TENM4: variants seen among roughly 807,000 people sequenced by gnomAD.
TENM4 encodes teneurin transmembrane protein 4.
A neutral mutation model predicts 243.3 loss-of-function variants in TENM4; 82 were observed. The observed-to-expected ratio is 0.34, with a 90% CI of 0.28 to 0.40. The LOEUF (loss-of-function observed/expected upper bound fraction) is 0.40, where lower values mean the gene tolerates loss of function less well. Ranked by LOEUF, TENM4 falls within the 10% of genes least tolerant of loss-of-function variation. The probability of loss-of-function intolerance (pLI) is 1.00; values close to 1 mark genes in which losing one functional copy is unlikely to be tolerated. For missense variants in TENM4, 3,138 were observed against 3,673.3 expected, an observed-to-expected ratio of 0.85 and a Z score of 3.77; for synonymous variants, 1,412 against 1,456.3, an observed-to-expected ratio of 0.97 and a Z score of 0.69.
intron 6 of TENM4, among the ~76,000 whole-genome samples, chr11:79,051,498 A>G (rs1241431341): frequency 6.6e-6 from 1 of 152,246 alleles, no homozygotes; most frequent in Non-Finnish European, 1.5e-5. Context: ...TCACTCAAGT[A>G]GTTCTATATT....
intron 6 of TENM4, among the ~76,000 whole-genome samples, chr11:79,008,247 G>GC (rs1858542881): frequency 6.6e-6 from 1 of 152,168 alleles, no homozygotes; most frequent in African/African-American, 2.4e-5. Context: ...CAGAGACAGA[G>GC]CGATTTCAGC....
At position 79,124,459 on chromosome 11, in the gene TENM4, G is replaced by A. The variant is rs150576134; in HGVS notation, c.-66+24251C>T. 3.7e-4 allele frequency among the ~76,000 whole-genome samples: 56 copies of A among 152,104 alleles called. No individual in the cohort carries two copies. The East Asian group carries it at 9.7e-3, about 26-fold the overall frequency. ...CTTTCTCCTGTGCTGGATGCTTCCT[G>A]GCCTCAAAAATCGGACTCCACGTTC... On this transcript the variant is annotated intron_variant, in intron 4 of 33. Coordinates refer to ENST00000278550, the MANE Select transcript of TENM4 (RefSeq NM_001098816.3).
chr11:79,134,431 C>T (rs1208784563), intron 4 of TENM4, among the ~76,000 whole-genome samples: 1 of 152,084 alleles, frequency 6.6e-6, no homozygotes, highest in Non-Finnish European at 1.5e-5. Flanking sequence ...CAAAAGCAAT[C>T]TAAAAATTCA....
chr11:78,727,641 A>C (rs1375317674), intron 22 of TENM4, among the ~76,000 whole-genome samples: 1 of 152,172 alleles, frequency 6.6e-6, no homozygotes, highest in Non-Finnish European at 1.5e-5. Flanking sequence ...AAAAGCTGGA[A>C]GTTACTTTGA....
At chr11:78,707,999 A>G (rs533513779) in intron 27 of TENM4, among the ~76,000 whole-genome samples, 99 of 152,356 alleles carry the variant, frequency 6.5e-4, no homozygotes, top group Middle Eastern at 3.4e-3. Flanking sequence ...CATAGCTTAG[A>G]AAGAGAACAG....
At chr11:79,261,614 A>G (rs565052733) in intron 2 of TENM4, among the ~76,000 whole-genome samples, 4 of 152,240 alleles carry the variant, frequency 2.6e-5, no homozygotes, top group South Asian at 4.2e-4. Flanking sequence ...TTGGGTCTGG[A>G]GGCTGGGCTG....
At chr11:79,046,616 G>C (rs139674008) in intron 6 of TENM4, among the ~76,000 whole-genome samples, 1 of 152,290 alleles carries the variant, frequency 6.6e-6, no homozygotes, top group East Asian at 1.9e-4. Flanking sequence ...GCAGCCATGT[G>C]AAGGCAGCAC....
chr11:79,321,677 T>C (rs1216460812), intron 1 of TENM4, among the ~76,000 whole-genome samples: 3 of 148,180 alleles, frequency 2.0e-5, no homozygotes, highest in Admixed American at 6.7e-5. Context: ...GAGAGAGAAC[T>C]TGGGACATGC....
intron 1 of TENM4, among the ~76,000 whole-genome samples, chr11:79,366,508 C>T (rs2135501501): frequency 6.6e-6 from 1 of 152,304 alleles, no homozygotes; most frequent in East Asian, 1.9e-4. Context: ...TAGGGGATGT[C>T]CTGAGGAAGT....
intron 6 of TENM4, among the ~76,000 whole-genome samples, chr11:78,991,119 T>C (rs913300037): frequency 3.9e-5 from 6 of 152,074 alleles, no homozygotes; most frequent in African/African-American, 1.4e-4. Context: ...GCAGCTTGTT[T>C]TTGGTAGTCA....
At chr11:78,828,124 T>G (rs1857898685) in intron 12 of TENM4, among the ~76,000 whole-genome samples, 1 of 152,244 alleles carries the variant, frequency 6.6e-6, no homozygotes, top group South Asian at 2.1e-4. Context: ...TCCTTTGGTG[T>G]GTTCAGCCTC....
chr11:79,349,918 C>G (rs540126491), intron 1 of TENM4, among the ~76,000 whole-genome samples: 3 of 152,302 alleles, frequency 2.0e-5, no homozygotes, highest in Non-Finnish European at 4.4e-5. Context: ...AATGCCAAGT[C>G]TCATGTCTGG....
At chr11:79,153,367 G>A (rs941631125) in intron 3 of TENM4, among the ~76,000 whole-genome samples, 5 of 152,180 alleles carry the variant, frequency 3.3e-5, no homozygotes, top group African/African-American at 4.8e-5. Flanking sequence ...CCAAAGCACT[G>A]TAGAACATTG....
intron 21 of TENM4, among the ~76,000 whole-genome samples, chr11:78,731,463 A>T (rs1014669636): frequency 1.3e-5 from 2 of 152,208 alleles, no homozygotes; most frequent in Admixed American, 6.5e-5. Context: ...TACACAAAAA[A>T]ATATATAAAA....
chr11:79,167,359 T>G (rs535885090), intron 3 of TENM4, among the ~76,000 whole-genome samples: 1 of 152,260 alleles, frequency 6.6e-6, no homozygotes, highest in Admixed American at 6.5e-5. Flanking sequence ...ACAGAGATGA[T>G]AACAAGGATG....
At chr11:79,345,013 T>G (rs939103732) in intron 1 of TENM4, among the ~76,000 whole-genome samples, 4 of 152,170 alleles carry the variant, frequency 2.6e-5, no homozygotes, top group East Asian at 1.9e-4. Context: ...CCCACTCATA[T>G]TTGCTTGAGA....
intron 1 of TENM4, among the ~76,000 whole-genome samples, chr11:79,302,383 GT>G (rs1856563151): frequency 6.6e-6 from 1 of 152,146 alleles, no homozygotes; most frequent in Admixed American, 6.5e-5. Flanking sequence ...AGAAGTCCAT[GT>G]CTCATGCTTT....
At chr11:79,399,391 G>A (rs1370123716) in intron 1 of TENM4, among the ~76,000 whole-genome samples, 1 of 152,178 alleles carries the variant, frequency 6.6e-6, no homozygotes, top group African/African-American at 2.4e-5. Context: ...TGTTAGGAAG[G>A]CAGAGAAAGA....
At chr11:79,263,253 G>C (rs758194288) in intron 2 of TENM4, among the ~76,000 whole-genome samples, 3 of 152,208 alleles carry the variant, frequency 2.0e-5, no homozygotes, top group Non-Finnish European at 4.4e-5. Context: ...CTGACTCCTA[G>C]CAAGAGCAGA....
Sources: gnomAD v4.1 joint callset for allele counts (sites outside exome capture counted in the v4.1 genomes callset) on GRCh38, gnomAD v4.1.1 for gene constraint, MANE v1.5 for transcripts, NCBI Gene and HGNC (gene_info 2026-07-23, HGNC 2026-07-21) for gene names.